EMG1: variants seen among roughly 807,000 people sequenced by gnomAD.
EMG1 encodes the protein EMG1 N1-specific pseudouridine methyltransferase, also known as ribosomal RNA small subunit methyltransferase NEP1.
EMG1 carries 24 observed loss-of-function variants against 26.9 expected under a neutral mutation model. That is an observed-to-expected ratio of 0.89 (90% CI 0.65 to 1.26). The LOEUF (loss-of-function observed/expected upper bound fraction) is 1.26, where lower values mean the gene tolerates loss of function less well. EMG1 is among the 50% of genes most tolerant of loss of function. The pLI is 0.00. For missense variants in EMG1, 299 were observed against 307.6 expected (o/e 0.97, Z 0.21); for synonymous variants, 140 against 112.6 (o/e 1.24, Z -1.54).
intron 3 of EMG1, 97 bp from the exon 4 acceptor site, chr12:6,974,993 G>C: frequency 1.6e-6 from 2 of 1,227,968 alleles, no homozygotes. Flanking sequence ...AAAGCACACA[G>C]GGAACTCATC....
downstream of EMG1, chr12:6,981,911 G>A (rs1279142226): frequency 1.4e-6 from 2 of 1,461,316 alleles, no homozygotes; most frequent in South Asian, 2.3e-5. Context: ...AGGCCTAGGA[G>A]AGGCAGAAGT....
chr12:6,987,910 C>G lies in EMG1; in HGVS notation c.*211+72C>G. The G allele has an allele frequency of 2.5e-6, 1 of 400,406 alleles. No individual in the cohort carries two copies. 24.8% of individuals were successfully genotyped at this position (400,406 alleles called of 1,614,324 possible). A position where few individuals can be genotyped will look rare whatever the true frequency, so the allele number is the denominator to read the frequency against. On this transcript the variant is annotated intron_variant and NMD_transcript_variant, in intron 7 of 7. Transcript: ENST00000261406. The surrounding 1 kb of genome is among the most constrained non-coding windows in gnomAD (Gnocchi z 4.1). ...GAGTTCTGAGTTCTTGTGTCCACTT[C>G]TTATAGCCTGTCTGTCCCTTTCCTT...
At chr12:6,979,993 CAG>C (rs1946453147), downstream of EMG1, 1 of 159,090 alleles carries the variant, frequency 6.3e-6, no homozygotes, top group Non-Finnish European at 1.3e-5. Context: ...GACAAGTTCT[CAG>C]TGAAGGAATT....
chr12:6,982,467 T>C (rs762856386), downstream of EMG1, among the ~76,000 whole-genome samples: 7 of 152,200 alleles, frequency 4.6e-5, no homozygotes, highest in Non-Finnish European at 8.8e-5. Context: ...TGGTGGCCCT[T>C]CCTTGAGGCA....
rs1291287097 is a variant in EMG1 at position 6,987,095 on chromosome 12, G to A, written c.*155-687G>A. On this transcript the variant is annotated intron_variant and NMD_transcript_variant, in intron 6 of 7. Transcript: ENST00000261406. This position sits in a 1 kb window ranked among gnomAD's most constrained non-coding sequence, Gnocchi z 4.1. ...GCCATTGCACTCCAGCTTGGGCAAC[G>A]AGCAAGATTCTGTCTCAAAAAAAAA... 6.6e-6 allele frequency among the ~76,000 whole-genome samples: 1 copy of A among 150,700 alleles called. No individual in the cohort carries two copies. Among genetic ancestry groups the A allele is most frequent in the Non-Finnish European group, 1.5e-5 (1 of 67,968 alleles).
At chr12:6,974,763 GAACT>G in intron 3 of EMG1, 70 bp downstream of exon 3, 1 of 1,525,326 alleles carries the variant, frequency 6.6e-7, no homozygotes, top group South Asian at 1.1e-5. Flanking sequence ...GGAAAAGGGA[GAACT>G]AAATGTGGAT....
chr12:6,975,142 T>C lies in EMG1; in HGVS notation c.465T>C (p.Leu155=), dbSNP rs781930405. Residue 155 remains leucine, a synonymous_variant, in exon 4 of 6, where the codon CTT becomes CTC. Coordinates refer to ENST00000599672, the MANE Select transcript of EMG1 (RefSeq NM_006331.8). ...SVRAADGPQK[L]LKVIKNPVSD... ...GAGCAGCTGATGGCCCCCAGAAGCT[T>C]TTGAAGGTGAGGTATTGAAACCTGT... 1 of 1,614,020 alleles carries C rather than the reference T, an allele frequency of 6.2e-7. No individual in the cohort carries two copies. Among genetic ancestry groups the C allele is most frequent in the Admixed American group, 1.7e-5 (1 of 60,032 alleles).
intron 7 of EMG1, among the ~76,000 whole-genome samples, chr12:6,995,988 A>G (rs1452887406): frequency 6.6e-6 from 1 of 152,154 alleles, no homozygotes; most frequent in Non-Finnish European, 1.5e-5. Flanking sequence ...TTAATGAAGC[A>G]TCTAGAGGGT....
At position 6,987,763 on chromosome 12, in the gene EMG1, CTAATT is replaced by C. The variant is rs1303944247; in HGVS notation, c.*155-15_*155-11del. 1 of 400,616 alleles carries C rather than the reference CTAATT, an allele frequency of 2.5e-6. No homozygotes were observed. The highest frequency in any genetic ancestry group is 2.1e-5 in the African/African-American group (1 of 48,692). The allele number at this position is 400,616 out of a possible 1,614,324, so 24.8% of individuals were successfully genotyped here. Reference sequence around the variant, plus strand: ...ATTACTCTGCCTCTTTAAGTTGAATCTAATTTAACATTTTCTAGGTGTCTGGATCG... The same window carrying C: ...ATTACTCTGCCTCTTTAAGTTGAATCTAACATTTTCTAGGTGTCTGGATCG... On this transcript the variant is annotated splice_polypyrimidine_tract_variant and intron_variant and NMD_transcript_variant, in intron 6 of 7. Transcript: ENST00000261406. This position sits in a 1 kb window ranked among gnomAD's most constrained non-coding sequence, Gnocchi z 4.1.
chr12:6,971,176 A>G, intron 1 of EMG1, 85 bp downstream of exon 1: 1 of 1,153,246 alleles, frequency 8.7e-7, no homozygotes, highest in Non-Finnish European at 1.3e-6. Flanking sequence ...GAGTGGATGT[A>G]GAAAGCAGAG....
At chr12:6,990,691 G>A (rs1391920604), downstream of EMG1, among the ~76,000 whole-genome samples, 1 of 151,566 alleles carries the variant, frequency 6.6e-6, no homozygotes, top group Non-Finnish European at 1.5e-5. Context: ...GGGAGGCCGA[G>A]GTGGGTGGAT....
intron 3 of EMG1, 105 bp downstream of exon 3, chr12:6,974,798 G>C: frequency 8.3e-7 from 1 of 1,201,630 alleles, no homozygotes; most frequent in Non-Finnish European, 1.2e-6. Flanking sequence ...GAAAATGGGA[G>C]AACAACATGA....
chr12:6,981,438 G>T, downstream of EMG1: 1 of 794,818 alleles, frequency 1.3e-6, no homozygotes, highest in Non-Finnish European at 2.1e-6. Context: ...AATTAGATTT[G>T]TTGATCCTTG....
At chr12:6,985,526 C>G (rs218745) in intron 6 of EMG1, among the ~76,000 whole-genome samples, 1 of 151,288 alleles carries the variant, frequency 6.6e-6, no homozygotes, top group African/African-American at 2.4e-5. Flanking sequence ...CCATACTGGC[C>G]AACATGGTGA....
chr12:6,977,623 A>T lies in EMG1; in HGVS notation c.*1814A>T. Reference sequence around the variant, plus strand: ...CTGTCTTTCCACAATAACAATGAGGAATTCCATCTGGAAGCAGACCAGGTA... The same window carrying T: ...CTGTCTTTCCACAATAACAATGAGGTATTCCATCTGGAAGCAGACCAGGTA... On this transcript the variant is annotated 3_prime_UTR_variant, in exon 6 of 6. Coordinates refer to ENST00000599672, the MANE Select transcript of EMG1 (RefSeq NM_006331.8). This position sits in a 1 kb window ranked among gnomAD's most constrained non-coding sequence, Gnocchi z 4.5. 1 of 1,614,210 alleles carries T rather than the reference A, an allele frequency of 6.2e-7. No homozygotes were observed. The highest frequency in any genetic ancestry group is 8.5e-7 in the Non-Finnish European group (1 of 1,180,048).
chr12:6,980,865 G>A (rs782386923), downstream of EMG1: 1 of 695,660 alleles, frequency 1.4e-6, no homozygotes, highest in East Asian at 3.0e-5. Context: ...CTGGCACAGA[G>A]TGCCTGTTAC....
rs1311300793 is a variant in EMG1 at position 6,974,647 on chromosome 12, C to T, written c.366C>T (p.Pro122=). Residue 122 remains proline (P), a synonymous_variant, in exon 3 of 6, where the codon CCC becomes CCT. Transcript: ENST00000599672. ...AGAATGTTCTGATTGAAGTGAATCC[C>T]CAGACCCGAATTCCCAGAACCTTTG... ...TQKNVLIEVN[P]QTRIPRTFDR... The T allele has an allele frequency of 1.2e-6, 2 of 1,613,878 alleles. No individual in the cohort carries two copies. The highest frequency in any genetic ancestry group is 2.7e-5 in the African/African-American group (2 of 74,926).
At chr12:6,991,771 AAG>A (rs1395556207), downstream of EMG1, among the ~76,000 whole-genome samples, 7 of 152,204 alleles carry the variant, frequency 4.6e-5, no homozygotes, top group Non-Finnish European at 1.5e-5. Flanking sequence ...TCGGTGAAAA[AAG>A]AAGCTGCTAA....
downstream of EMG1, among the ~76,000 whole-genome samples, chr12:6,991,373 T>A (rs1555155491): frequency 6.6e-6 from 1 of 152,246 alleles, no homozygotes; most frequent in East Asian, 1.9e-4. Flanking sequence ...TCTTGCACTT[T>A]GAATGGATAT....
Sources: gnomAD v4.1 joint callset for allele counts (sites outside exome capture counted in the v4.1 genomes callset) on GRCh38, gnomAD v4.1.1 for gene constraint, Gnocchi (gnomAD v3.1) non-coding constraint, MANE v1.5 for transcripts, NCBI Gene and HGNC (gene_info 2026-07-23, HGNC 2026-07-21) for gene names.